Variants in PPTC7 observed in about 807,000 individuals in gnomAD.
PPTC7 encodes protein phosphatase PTC7 homolog.
PPTC7 carries 6 observed loss-of-function variants against 30.8 expected under a neutral mutation model. The observed-to-expected ratio is 0.19, with a 90% CI of 0.11 to 0.38. The LOEUF is 0.38. Ranked by LOEUF, PPTC7 falls within the 10% of genes least tolerant of loss-of-function variation. The probability of loss-of-function intolerance (pLI) is 1.00; values close to 1 mark genes in which losing one functional copy is unlikely to be tolerated. For synonymous variants in PPTC7, 163 were observed against 168.1 expected, an observed-to-expected ratio of 0.97 and a Z score of 0.23; for missense variants, 218 against 404.8, an observed-to-expected ratio of 0.54 and a Z score of 3.96.
intron 1 of PPTC7, among the ~76,000 whole-genome samples, chr12:110,572,452 A>C (rs1295805010): frequency 6.6e-6 from 1 of 152,194 alleles, no homozygotes; most frequent in Non-Finnish European, 1.5e-5. Context: ...AAAACAAAAA[A>C]CAAAAAACAA....
Position 110,561,374 on chromosome 12 carries a change from C to T in PPTC7, c.224-9406G>A, listed in dbSNP as rs141151695. Among the ~76,000 whole-genome samples the T allele has an allele frequency of 1.1e-4, 17 of 151,944 alleles. 1 individual carries two copies. The highest frequency in any genetic ancestry group is 8.3e-4 in the South Asian group (4 of 4,810). ...TGTGGCCTAGGCTGGAGTGCAGTGG[C>T]GCAATCTCAGGTCACTGCAACCTTC... On this transcript the variant is annotated intron_variant, in intron 1 of 5. Transcript: ENST00000354300.
At chr12:110,547,406 CAT>C in intron 2 of PPTC7, among the ~76,000 whole-genome samples, 1 of 152,112 alleles carries the variant, frequency 6.6e-6, no homozygotes, top group Non-Finnish European at 1.5e-5. Flanking sequence ...GTAAGTACCT[CAT>C]AGAATTTTTC....
At chr12:110,553,404 A>G (rs2064363820) in intron 1 of PPTC7, among the ~76,000 whole-genome samples, 1 of 151,838 alleles carries the variant, frequency 6.6e-6, no homozygotes, top group Admixed American at 6.5e-5. Context: ...TCGGCCTCCC[A>G]AAGTTCTGGG....
At chr12:110,567,515 C>A (rs1443187957) in intron 1 of PPTC7, among the ~76,000 whole-genome samples, 1 of 152,192 alleles carries the variant, frequency 6.6e-6, no homozygotes, top group Non-Finnish European at 1.5e-5. Context: ...AGGCATCTTC[C>A]AAGTGCAAAA....
rs372822654 is a variant in PPTC7, at chr12:110,554,162, C to A, written c.224-2194G>T. ...GCCACTGCATCCGGCCAAATTTCAC[C>A]TTTTAAAAAATTAACTATTATTATT... On this transcript the variant is annotated intron_variant, in intron 1 of 5. Transcript: ENST00000354300. 4.2e-4 allele frequency among the ~76,000 whole-genome samples: 64 copies of A among 152,268 alleles called. 2 individuals carry two copies. The East Asian group carries it at 9.8e-3, about 23-fold the overall frequency.
chr12:110,577,892 G>A (rs2064602571), intron 1 of PPTC7, among the ~76,000 whole-genome samples: 1 of 151,964 alleles, frequency 6.6e-6, no homozygotes, highest in Admixed American at 6.6e-5. Context: ...GAGTCAGAGT[G>A]AATAAAGAAG....
chr12:110,547,028 T>C (rs2064311689), intron 2 of PPTC7, among the ~76,000 whole-genome samples: 1 of 152,154 alleles, frequency 6.6e-6, no homozygotes, highest in African/African-American at 2.4e-5. Flanking sequence ...GTAAACAACT[T>C]TCCTGGAGCG....
In PPTC7 at chr12:110,538,161, T is replaced by C. The variant is rs1049267110; in HGVS notation, c.839A>G (p.Asn280Ser). 14 of 1,614,050 alleles carry C rather than the reference T, an allele frequency of 8.7e-6. No individual in the cohort carries two copies. Among genetic ancestry groups the C allele is most frequent in the Admixed American group, 5.0e-5 (3 of 60,010 alleles). Residue 280 changes from asparagine to serine, a missense_variant, in exon 5 of 6, where the codon AAT (asparagine) becomes AGT (serine). By Grantham distance (46) the Asn-to-Ser change is conservative. Transcript: ENST00000354300. ...MSPFAQFACDNGLNVRGGKPD... is the reference protein window; with the variant it reads ...MSPFAQFACDSGLNVRGGKPD... Reference sequence around the variant, plus strand: ...ATGCTTACCTCTCACATTCAATCCATTGTCACATGCAAACTGTGCAAAAGG... The same window carrying C: ...ATGCTTACCTCTCACATTCAATCCACTGTCACATGCAAACTGTGCAAAAGG...
intron 1 of PPTC7, among the ~76,000 whole-genome samples, chr12:110,577,166 CAAAA>C (rs34958891): frequency 2.5e-5 from 2 of 81,190 alleles, no homozygotes; most frequent in Admixed American, 1.5e-4. Context: ...GACTCTGTCT[CAAAA>C]AAAAAAAAAA....
At position 110,545,886 on chromosome 12, in the gene PPTC7, C is replaced by T; in HGVS notation, c.596G>A (p.Ser199Asn). ...GGCTGAGAGGGGAGATTACCTGTCG[C>T]TCAAGACGACTCCCTCGGCTTCAGG... ...APPEAEGVVL[S>N]DSPDAADSTS... Residue 199 changes from serine (S) to asparagine (N), a missense_variant, in exon 3 of 6, where the codon AGC becomes AAC. Ser to Asn is a conservative substitution (Grantham distance 46). Transcript: ENST00000354300. The T allele has an allele frequency of 6.2e-7, 1 of 1,613,360 alleles. No homozygotes were observed. The highest frequency in any genetic ancestry group is 8.5e-7 in the Non-Finnish European group (1 of 1,180,026).
chr12:110,580,774 C>T (rs777194049), intron 1 of PPTC7, among the ~76,000 whole-genome samples: 7 of 151,866 alleles, frequency 4.6e-5, no homozygotes, highest in East Asian at 3.9e-4. Flanking sequence ...TTTTTTGAGA[C>T]GGAGTCTCGC....
At chr12:110,538,364 T>C (rs759587187) in intron 4 of PPTC7, 91 bp from the exon 5 acceptor site, 20 of 1,289,698 alleles carry the variant, frequency 1.6e-5, no homozygotes, top group Non-Finnish European at 2.0e-5. Flanking sequence ...AGTTTTATTC[T>C]AGTTAGAAAA....
At chr12:110,576,239 G>C (rs2064587919) in intron 1 of PPTC7, among the ~76,000 whole-genome samples, 1 of 151,770 alleles carries the variant, frequency 6.6e-6, no homozygotes, top group South Asian at 2.1e-4. Flanking sequence ...ATATTTGATT[G>C]CTGCAATTTT....
At chr12:110,563,122 C>CAAAAA (rs766517371) in intron 1 of PPTC7, among the ~76,000 whole-genome samples, 64 of 43,098 alleles carry the variant, frequency 1.5e-3, no homozygotes, top group African/African-American at 2.1e-3. Flanking sequence ...GACTCCATCT[C>CAAAAA]AAAAAAAAAA....
intron 1 of PPTC7, among the ~76,000 whole-genome samples, chr12:110,560,585 A>G (rs1204624386): frequency 6.6e-6 from 1 of 152,240 alleles, no homozygotes; most frequent in Non-Finnish European, 1.5e-5. Flanking sequence ...AGCCATCAAC[A>G]TGATGTTGCA....
Position 110,533,916 on chromosome 12 carries a change from C to T in PPTC7, c.*3121G>A, listed in dbSNP as rs542829799. On this transcript the variant is annotated 3_prime_UTR_variant, in exon 6 of 6. Transcript: ENST00000354300. ...GCTGATAGAGGAGAGGACGCTCTCC[C>T]ATCATGCAAAGCTTGAAACCCAGTT... The T allele has an allele frequency of 6.6e-6, 1 of 152,312 alleles. No homozygotes were observed. Among genetic ancestry groups the T allele is most frequent in the South Asian group, 2.1e-4 (1 of 4,832 alleles). 9.4% of individuals were successfully genotyped at this position (152,312 alleles called of 1,614,324 possible). A position where few individuals can be genotyped will look rare whatever the true frequency, so the allele number is the denominator to read the frequency against.
At chr12:110,558,173 G>A (rs1565922108) in intron 1 of PPTC7, among the ~76,000 whole-genome samples, 7 of 152,196 alleles carry the variant, frequency 4.6e-5, no homozygotes. Flanking sequence ...TCTTGGGTAT[G>A]TCAAACTTCA....
chr12:110,550,446 G>A (rs1360529348), intron 2 of PPTC7, among the ~76,000 whole-genome samples: 1 of 151,740 alleles, frequency 6.6e-6, no homozygotes, highest in Admixed American at 6.6e-5. Flanking sequence ...TAGCCACGAT[G>A]GTCTCAATCT....
At chr12:110,573,133 G>T (rs2064553992) in intron 1 of PPTC7, among the ~76,000 whole-genome samples, 1 of 152,110 alleles carries the variant, frequency 6.6e-6, no homozygotes, top group East Asian at 1.9e-4. Context: ...ACCTACTTTG[G>T]CCTCCCAAAG....
Sources: allele counts gnomAD v4.1 joint callset (sites outside exome capture counted in the v4.1 genomes callset), GRCh38; gene constraint gnomAD v4.1.1; transcripts MANE v1.5; gene names NCBI Gene and HGNC (gene_info 2026-07-23, HGNC 2026-07-21).